Variants in PTPRZ1 observed in about 807,000 individuals in gnomAD.
PTPRZ1 encodes receptor-type tyrosine-protein phosphatase zeta.
PTPRZ1 carries 82 observed loss-of-function variants against 214.1 expected under a neutral mutation model. The observed-to-expected ratio is 0.38, with a 90% confidence interval of 0.32 to 0.46. The LOEUF is 0.46. Ranked by LOEUF, PTPRZ1 falls within the 20% of genes least tolerant of loss-of-function variation. PTPRZ1 has a pLI of 1.00. For missense variants in PTPRZ1, 2,603 were observed against 2,748.7 expected, an observed-to-expected ratio of 0.95 and a Z score of 1.19; for synonymous variants, 945 against 987.9, an observed-to-expected ratio of 0.96 and a Z score of 0.81.
intron 14 of PTPRZ1, among the ~76,000 whole-genome samples, chr7:122,030,697 G>A (rs1799344840): frequency 6.6e-6 from 1 of 151,868 alleles, no homozygotes; most frequent in African/African-American, 2.4e-5. Context: ...AGTGAAATGT[G>A]TTTGATGTTT....
At chr7:121,926,302 C>A (rs1369455038) in intron 1 of PTPRZ1, among the ~76,000 whole-genome samples, 402 of 130,416 alleles carry the variant, frequency 3.1e-3, no homozygotes, top group African/African-American at 4.0e-3. Flanking sequence ...AAGATTCTGT[C>A]AAAAAAAAAA....
intron 1 of PTPRZ1, among the ~76,000 whole-genome samples, chr7:121,892,679 C>CATATATATATATATAT (rs58030102): frequency 3.2e-4 from 31 of 98,202 alleles, no homozygotes; most frequent in South Asian, 9.5e-4. Flanking sequence ...TCAAGCATCT[C>CATATATATATATATAT]ATATATATAT....
In PTPRZ1 at chr7:121,949,355, C is replaced by T. The variant is rs114741641; in HGVS notation, c.125-18596C>T. Among the ~76,000 whole-genome samples the T allele has an allele frequency of 8.9e-4, 136 of 152,162 alleles. 2 individuals are homozygous for T. Among genetic ancestry groups the T allele is most frequent in the Middle Eastern group, 3.4e-3 (1 of 294 alleles). ...TCCCTTTAGTTTAGTGATTTGGGGGCCCCAAGTTTTTTTTCCTTTCACATT... is the reference window on the plus strand; with the variant it reads ...TCCCTTTAGTTTAGTGATTTGGGGGTCCCAAGTTTTTTTTCCTTTCACATT... On this transcript the variant is annotated intron_variant, in intron 2 of 29. Transcript: ENST00000393386.
At chr7:121,908,247 G>A (rs765160608) in intron 1 of PTPRZ1, among the ~76,000 whole-genome samples, 2 of 152,042 alleles carry the variant, frequency 1.3e-5, no homozygotes, top group Non-Finnish European at 2.9e-5. Flanking sequence ...TATATGGTCA[G>A]GTTATACAAC....
chr7:121,937,926 T>C (rs1004813265), intron 2 of PTPRZ1, among the ~76,000 whole-genome samples: 2 of 152,224 alleles, frequency 1.3e-5, no homozygotes, highest in Non-Finnish European at 2.9e-5. Context: ...GCCAATCTGA[T>C]ATTTTTTTCC....
At chr7:121,882,718 C>T (rs140124097) in intron 1 of PTPRZ1, among the ~76,000 whole-genome samples, 2 of 152,110 alleles carry the variant, frequency 1.3e-5, no homozygotes, top group Admixed American at 6.5e-5. Flanking sequence ...GGATTGAAGC[C>T]GAGGGAGACA....
chr7:122,002,529 T>A (rs1323340675), intron 10 of PTPRZ1, among the ~76,000 whole-genome samples: 1 of 152,026 alleles, frequency 6.6e-6, no homozygotes, highest in Non-Finnish European at 1.5e-5. Flanking sequence ...GAAACCATAA[T>A]CCCTATAGTT....
intron 2 of PTPRZ1, among the ~76,000 whole-genome samples, chr7:121,952,432 A>T (rs1425450554): frequency 1.3e-5 from 2 of 152,098 alleles, no homozygotes; most frequent in African/African-American, 4.8e-5. Flanking sequence ...AAAGAATTTT[A>T]AAAATTAGCT....
intron 8 of PTPRZ1, among the ~76,000 whole-genome samples, chr7:121,990,316 T>G (rs906895524): frequency 1.3e-5 from 2 of 152,100 alleles, no homozygotes; most frequent in Non-Finnish European, 2.9e-5. Flanking sequence ...GCCTTATTCA[T>G]TTTTTGCATT....
chr7:121,892,967 A>G (rs1794684510), intron 1 of PTPRZ1, among the ~76,000 whole-genome samples: 1 of 152,012 alleles, frequency 6.6e-6, no homozygotes, highest in Non-Finnish European at 1.5e-5. Flanking sequence ...AAATATATAA[A>G]ATAAAATTTA....
At chr7:122,023,665 A>C (rs1337763070) in intron 13 of PTPRZ1, among the ~76,000 whole-genome samples, 1 of 132,950 alleles carries the variant, frequency 7.5e-6, no homozygotes, top group African/African-American at 2.8e-5. Flanking sequence ...TATTATATGT[A>C]TAATTTTATA....
intron 23 of PTPRZ1, among the ~76,000 whole-genome samples, chr7:122,047,792 T>TA (rs1792046274): frequency 6.6e-6 from 1 of 151,870 alleles, no homozygotes; most frequent in South Asian, 2.1e-4. Flanking sequence ...AGGACTATAG[T>TA]AAGTGTACAC....
intron 1 of PTPRZ1, among the ~76,000 whole-genome samples, chr7:121,919,533 T>A (rs537625401): frequency 5.9e-5 from 9 of 152,216 alleles, no homozygotes; most frequent in African/African-American, 2.2e-4. Flanking sequence ...TATCCTTTTC[T>A]TCATACATAG....
chr7:121,892,001 A>C (rs376644794), intron 1 of PTPRZ1, among the ~76,000 whole-genome samples: 11 of 152,098 alleles, frequency 7.2e-5, no homozygotes, highest in African/African-American at 2.4e-4. Context: ...TAAATAAAGA[A>C]TGTTCTTAAG....
At chr7:121,907,142 G>T (rs1243689365) in intron 1 of PTPRZ1, among the ~76,000 whole-genome samples, 4 of 145,476 alleles carry the variant, frequency 2.7e-5, no homozygotes, top group South Asian at 2.2e-4. Flanking sequence ...ATGATAAAAA[G>T]AATAAGTTAA....
At chr7:121,934,454 C>G (rs1312788930) in intron 2 of PTPRZ1, among the ~76,000 whole-genome samples, 1 of 137,976 alleles carries the variant, frequency 7.2e-6, no homozygotes, top group East Asian at 2.2e-4. Context: ...CGCCACTGCA[C>G]TCTAGCCTGG....
At chr7:121,986,034 G>A (rs1797754715) in intron 8 of PTPRZ1, among the ~76,000 whole-genome samples, 1 of 152,170 alleles carries the variant, frequency 6.6e-6, no homozygotes, top group Non-Finnish European at 1.5e-5. Context: ...GGTGCTTCCT[G>A]CACTGTTTAA....
rs970000462 is a variant in PTPRZ1, at chr7:122,059,599, A to G, written c.6672-154A>G. On this transcript the variant is annotated intron_variant, in intron 28 of 29. Transcript: ENST00000393386. ...ACTTGGCAATATTTCAGATTAAATCATAGTTCTTTGTGCAAAAAGCGAAGA... is the reference window on the plus strand; with the variant it reads ...ACTTGGCAATATTTCAGATTAAATCGTAGTTCTTTGTGCAAAAAGCGAAGA... 10 of 805,030 alleles carry G rather than the reference A, an allele frequency of 1.2e-5. No homozygotes were observed. In the African/African-American group the frequency reaches 1.7e-4, roughly 14 times the overall value. The allele number at this position is 805,030 out of a possible 1,614,324, so 49.9% of individuals were successfully genotyped here. A position where few individuals can be genotyped will look rare whatever the true frequency, so the allele number is the denominator to read the frequency against.
At chr7:121,901,776 C>T (rs1028705806) in intron 1 of PTPRZ1, among the ~76,000 whole-genome samples, 4 of 152,228 alleles carry the variant, frequency 2.6e-5, no homozygotes, top group East Asian at 1.9e-4. Context: ...TGTTTCAATA[C>T]GTATATACGT....
Sources: allele counts gnomAD v4.1 joint callset (sites outside exome capture counted in the v4.1 genomes callset), GRCh38; gene constraint gnomAD v4.1.1; transcripts MANE v1.5; gene names NCBI Gene and HGNC (gene_info 2026-07-23, HGNC 2026-07-21).